The following ARMH3 variants were observed in gnomAD, a reference collection of about 807,000 sequenced individuals.
The protein encoded by ARMH3 is armadillo-like helical domain-containing protein 3.
Under a neutral mutation model 99.1 loss-of-function variants are expected in ARMH3, and 60 were observed. That is an observed-to-expected ratio of 0.61 (90% confidence interval 0.49 to 0.75). The LOEUF (loss-of-function observed/expected upper bound fraction) is 0.75. Among genes scored for constraint, ARMH3 ranks in the 30% least tolerant of loss-of-function variants. ARMH3 has a pLI of 0.00. For missense variants in ARMH3, 679 were observed against 843.1 expected (o/e 0.81, Z 2.41); for synonymous variants, 285 against 292.8 (o/e 0.97, Z 0.27).
At chr10:101,988,791 T>G (rs1175726297) in intron 19 of ARMH3, among the ~76,000 whole-genome samples, 1 of 151,746 alleles carries the variant, frequency 6.6e-6, no homozygotes, top group Non-Finnish European at 1.5e-5. Context: ...AACATGGTGG[T>G]GCGCGACTGT....
chr10:102,006,752 G>A (rs576968605), intron 13 of ARMH3, 119 bp from the exon 14 acceptor site: 3 of 790,802 alleles, frequency 3.8e-6, no homozygotes, highest in South Asian at 3.5e-5. Context: ...TTTTGAGACA[G>A]CATCTTGCTA....
At chr10:101,956,522 T>G (rs1316156867) in intron 22 of ARMH3, 75 bp downstream of exon 22, 2 of 1,543,914 alleles carry the variant, frequency 1.3e-6, no homozygotes, top group East Asian at 2.3e-5. Context: ...GGAGAATCTT[T>G]CGTAGTCTTT....
At chr10:101,934,080 G>A (rs961021685) in intron 23 of ARMH3, among the ~76,000 whole-genome samples, 3 of 152,194 alleles carry the variant, frequency 2.0e-5, no homozygotes, top group African/African-American at 7.2e-5. Flanking sequence ...ATTACTGCTT[G>A]AAGGCTTATT....
chr10:101,994,773 A>C (rs540837754), intron 16 of ARMH3, among the ~76,000 whole-genome samples: 1 of 152,292 alleles, frequency 6.6e-6, no homozygotes, highest in East Asian at 1.9e-4. Context: ...ATGGTGGCTC[A>C]CGCCTGTAAT....
At chr10:101,923,548 A>G (rs755000993) in intron 23 of ARMH3, among the ~76,000 whole-genome samples, 35 of 152,324 alleles carry the variant, frequency 2.3e-4, no homozygotes, top group South Asian at 1.0e-3. Context: ...AAGAGCCTGT[A>G]TTGTAACCCC....
At chr10:101,850,810 A>G (rs2066582754) in intron 24 of ARMH3, among the ~76,000 whole-genome samples, 2 of 152,102 alleles carry the variant, frequency 1.3e-5, no homozygotes, top group Non-Finnish European at 2.9e-5. Context: ...ACGGCAAAAG[A>G]GCATGAGAAG....
At chr10:102,034,028 A>G (rs900341106) in intron 2 of ARMH3, among the ~76,000 whole-genome samples, 4 of 152,204 alleles carry the variant, frequency 2.6e-5, no homozygotes, top group Non-Finnish European at 5.9e-5. Context: ...GGAAGGACAG[A>G]TATTATCACC....
At chr10:102,023,410 T>C in intron 8 of ARMH3, 67 bp downstream of exon 8, 1 of 1,430,170 alleles carries the variant, frequency 7.0e-7, no homozygotes, top group Non-Finnish European at 9.7e-7. Flanking sequence ...AGCAAAGTCC[T>C]TTAGGAGGGG....
intron 20 of ARMH3, among the ~76,000 whole-genome samples, chr10:101,973,343 G>C (rs1463861799): frequency 7.4e-6 from 1 of 135,026 alleles, no homozygotes; most frequent in Non-Finnish European, 1.5e-5. Flanking sequence ...CTGGGCGACA[G>C]AGCGAGACTC....
intron 23 of ARMH3, among the ~76,000 whole-genome samples, chr10:101,933,847 T>C (rs899653259): frequency 6.6e-6 from 1 of 152,236 alleles, no homozygotes; most frequent in Admixed American, 6.5e-5. Context: ...ATGGCTCTGC[T>C]TCTATCATTA....
At chr10:101,944,592 T>A (rs1227223827) in intron 22 of ARMH3, among the ~76,000 whole-genome samples, 2 of 151,980 alleles carry the variant, frequency 1.3e-5, no homozygotes, top group African/African-American at 4.8e-5. Flanking sequence ...GGCGGGTGGA[T>A]CACCTGAGGT....
chr10:102,032,351 A>C (rs1201880225), intron 4 of ARMH3, among the ~76,000 whole-genome samples: 4 of 152,190 alleles, frequency 2.6e-5, no homozygotes, highest in Non-Finnish European at 5.9e-5. Context: ...TGATCATGCC[A>C]CCTAACATAA....
At chr10:102,054,024 CTG>C (rs1389423495) in intron 1 of ARMH3, among the ~76,000 whole-genome samples, 3 of 152,186 alleles carry the variant, frequency 2.0e-5, no homozygotes, top group Non-Finnish European at 4.4e-5. Flanking sequence ...GATTCCTAAA[CTG>C]TGCTCAGTGT....
rs954981341 is a variant in ARMH3 at position 101,846,566 on chromosome 10, C to G, written c.*962G>C. On this transcript the variant is annotated 3_prime_UTR_variant, in exon 26 of 26. Coordinates refer to ENST00000370033, the MANE Select transcript of ARMH3 (RefSeq NM_024541.3). ...AAGAAGGGGAAAGCTAACGGTACTC[C>G]TGGTGCCAAAACTAAAATTCAAAAG... The G allele has an allele frequency of 6.6e-6, 1 of 152,276 alleles. No homozygotes were observed. The highest frequency in any genetic ancestry group is 1.5e-5 in the Non-Finnish European group (1 of 68,110). The allele number at this position is 152,276 out of a possible 1,614,324, so 9.4% of individuals were successfully genotyped here.
At chr10:101,936,998 A>T (rs1171716901) in intron 23 of ARMH3, among the ~76,000 whole-genome samples, 2 of 152,198 alleles carry the variant, frequency 1.3e-5, no homozygotes, top group Non-Finnish European at 2.9e-5. Flanking sequence ...CACTTTACAG[A>T]GGGTGGATAG....
At chr10:102,012,405 A>C (rs1268380124) in intron 10 of ARMH3, among the ~76,000 whole-genome samples, 4 of 152,186 alleles carry the variant, frequency 2.6e-5, no homozygotes, top group African/African-American at 4.8e-5. Context: ...TAAATAAGAA[A>C]CATCTGTCAA....
intron 1 of ARMH3, among the ~76,000 whole-genome samples, chr10:102,044,062 G>C (rs536666433): frequency 6.1e-5 from 9 of 147,808 alleles, no homozygotes; most frequent in African/African-American, 2.0e-4. Flanking sequence ...GACTACAGAT[G>C]TGTGCCACCA....
At position 101,847,615 on chromosome 10, in the gene ARMH3, T is replaced by A; in HGVS notation, c.1983A>T (p.Arg661=). ...TTCTCCGGACGTTGGTGCTAATGGA[T>A]CGAACCTGGGAAAGGGTAGTTGGGG... ...KEAAFFKELV[R]SISTNVRRNL... Residue 661 remains arginine, a synonymous_variant, in exon 26 of 26, where the codon CGA becomes CGT. Transcript: ENST00000370033. The A allele has an allele frequency of 6.2e-7, 1 of 1,613,948 alleles. No individual in the cohort carries two copies. The highest frequency in any genetic ancestry group is 8.5e-7 in the Non-Finnish European group (1 of 1,179,928).
At chr10:101,956,572 G>A in intron 22 of ARMH3, 25 bp downstream of exon 22, 2 of 1,610,316 alleles carry the variant, frequency 1.2e-6, no homozygotes, top group Non-Finnish European at 1.7e-6. Flanking sequence ...GGTGGAGAGA[G>A]GAGTAAAAAG....
Sources: allele counts gnomAD v4.1 joint callset (sites outside exome capture counted in the v4.1 genomes callset), GRCh38; gene constraint gnomAD v4.1.1; transcripts MANE v1.5; gene names NCBI Gene and HGNC (gene_info 2026-07-23, HGNC 2026-07-21).